The following SEC31A variants were observed in gnomAD, a reference collection of about 807,000 sequenced individuals.
The protein encoded by SEC31A is protein transport protein Sec31A.
A neutral mutation model predicts 151.0 loss-of-function variants in SEC31A; 70 were observed. The ratio of observed to expected loss-of-function variants is 0.46; its 90% CI spans 0.38 to 0.57. The LOEUF is 0.57. Among genes scored for constraint, SEC31A ranks in the 20% least tolerant of loss-of-function variants. The probability of loss-of-function intolerance (pLI) is 0.00; values close to 1 mark genes in which losing one functional copy is unlikely to be tolerated. For missense variants in SEC31A, 1,330 were observed against 1,471.2 expected (o/e 0.90, Z 1.57); for synonymous variants, 475 against 505.9 (o/e 0.94, Z 0.82).
chr4:82,863,714 G>A (rs72921015), intron 11 of SEC31A, among the ~76,000 whole-genome samples: 3,238 of 152,104 alleles, frequency 0.021, 123 homozygotes, highest in African/African-American at 0.074. Flanking sequence ...ACAAACTTAT[G>A]TCCAAAGGTT....
At position 82,842,193 on chromosome 4, in the gene SEC31A, C is replaced by T. The variant is rs746440200; in HGVS notation, c.2915G>A (p.Gly972Glu). The change falls in exon 22 of 27, where the codon GGA becomes GAA. Residue 972 changes from glycine to glutamate, a missense_variant. Transcript: ENST00000395310. ...GGCAGCAGGCAGTGTACCTGTTGTT[C>T]CAGGAGGCAGTGCATAAGCTGAAGA... ...PSSSAYALPP[G>E]TTGTLPAASE... 1.3e-5 allele frequency: 20 copies of T among 1,598,894 alleles called. No homozygotes were observed. Among genetic ancestry groups the T allele is most frequent in the Non-Finnish European group, 1.6e-5 (19 of 1,170,880 alleles).
chr4:82,874,223 A>G (rs530351677), intron 6 of SEC31A, among the ~76,000 whole-genome samples: 6 of 151,880 alleles, frequency 4.0e-5, no homozygotes, highest in African/African-American at 1.4e-4. Flanking sequence ...GCTTGAACCC[A>G]GGAGGCAGAG....
chr4:82,871,305 C>A, intron 7 of SEC31A: 1 of 1,356,760 alleles, frequency 7.4e-7, no homozygotes, highest in Non-Finnish European at 9.4e-7. Context: ...TGGGATTATA[C>A]ATGCATACAC....
intron 19 of SEC31A, 38 bp downstream of exon 19, chr4:82,851,393 C>G: frequency 6.4e-7 from 1 of 1,557,654 alleles, no homozygotes; most frequent in African/African-American, 1.4e-5. Flanking sequence ...CTGGACTCAC[C>G]TTACTCAAAC....
At chr4:82,859,879 C>CCTCCTGGGTTCATGCCATT (rs1733686171) in intron 14 of SEC31A, among the ~76,000 whole-genome samples, 1 of 151,672 alleles carries the variant, frequency 6.6e-6, no homozygotes, top group Non-Finnish European at 1.5e-5. Context: ...GCAAGCTCCA[C>CCTCCTGGGTTCATGCCATT]CTCCTGGGTT....
At chr4:82,892,667 T>C (rs188959176), upstream of SEC31A, among the ~76,000 whole-genome samples, 1 of 152,346 alleles carries the variant, frequency 6.6e-6, no homozygotes, top group Admixed American at 6.5e-5. Context: ...AGATGATCAG[T>C]AACAAATCAA....
At chr4:82,867,107 A>G (rs770823306) in intron 9 of SEC31A, 48 bp downstream of exon 9, 1 of 1,569,980 alleles carries the variant, frequency 6.4e-7, no homozygotes, top group East Asian at 2.2e-5. Context: ...TACACAACAC[A>G]TACTTTTTTC....
At chr4:82,885,846 A>C (rs982947791) in intron 1 of SEC31A, among the ~76,000 whole-genome samples, 1 of 152,168 alleles carries the variant, frequency 6.6e-6, no homozygotes, top group African/African-American at 2.4e-5. Context: ...TGCATACTCA[A>C]TGCTCTCCAA....
Position 82,861,673 on chromosome 4 carries a change from A to G in SEC31A, c.1584T>C (p.Asp528=), listed in dbSNP as rs1251416752. The G allele has an allele frequency of 1.2e-6, 2 of 1,612,006 alleles. No homozygotes were observed. Residue 528 remains aspartate, a synonymous_variant, in exon 14 of 27, where the codon GAT becomes GAC. Transcript: ENST00000395310. ...LKDSDQVAQS[D]GEESPAAEEQ... is the part of the protein sequence containing the mutation. ...CTTCAGCAGCAGGGCTCTCCTCCCCATCACTCTGTGCTACTTGGTCAGAGT... is the reference window on the plus strand; with the variant it reads ...CTTCAGCAGCAGGGCTCTCCTCCCCGTCACTCTGTGCTACTTGGTCAGAGT...
intron 2 of SEC31A, among the ~76,000 whole-genome samples, chr4:82,881,392 G>C (rs971619196): frequency 5.3e-5 from 8 of 152,032 alleles, no homozygotes; most frequent in Non-Finnish European, 1.2e-4. Flanking sequence ...AGGAACCAGG[G>C]AGGTGGAGCT....
chr4:82,849,023 G>A, intron 19 of SEC31A, 46 bp from the exon 20 acceptor site: 2 of 1,493,012 alleles, frequency 1.3e-6, no homozygotes, highest in Non-Finnish European at 1.8e-6. Context: ...GTTCACCCAG[G>A]TATATGACAG....
At chr4:82,831,488 TG>T (rs933354173) in intron 22 of SEC31A, 1 of 152,396 alleles carries the variant, frequency 6.6e-6, no homozygotes, top group Non-Finnish European at 1.5e-5. Flanking sequence ...ATACTGTCTT[TG>T]CAGCCATCTC....
At chr4:82,889,149 G>A (rs1416213645) in intron 1 of SEC31A, among the ~76,000 whole-genome samples, 1 of 152,168 alleles carries the variant, frequency 6.6e-6, no homozygotes, top group Non-Finnish European at 1.5e-5. Context: ...ACTGTGCACT[G>A]GTTACTGAAC....
chr4:82,853,818 T>C (rs1731959427), intron 17 of SEC31A, 103 bp from the exon 18 acceptor site: 5 of 874,654 alleles, frequency 5.7e-6, no homozygotes, highest in Non-Finnish European at 5.2e-6. Flanking sequence ...TTAAGCTTCA[T>C]AACCAATGAA....
intron 22 of SEC31A, among the ~76,000 whole-genome samples, chr4:82,839,538 G>A (rs911254203): frequency 8.5e-5 from 13 of 152,156 alleles, no homozygotes; most frequent in Non-Finnish European, 1.5e-4. Context: ...CACCTGCCTC[G>A]GCCTCCCAAA....
At chr4:82,847,309 A>G (rs1473256351) in intron 20 of SEC31A, among the ~76,000 whole-genome samples, 1 of 152,152 alleles carries the variant, frequency 6.6e-6, no homozygotes, top group Non-Finnish European at 1.5e-5. Context: ...ACTGCATTAA[A>G]ACCACAAGCC....
At chr4:82,822,771 C>T (rs1002123223) in intron 25 of SEC31A, among the ~76,000 whole-genome samples, 3 of 152,030 alleles carry the variant, frequency 2.0e-5, no homozygotes, top group Admixed American at 2.0e-4. Flanking sequence ...GTTGGGAGTT[C>T]GAGACCAGCC....
At chr4:82,841,822 A>G (rs1296049776) in intron 22 of SEC31A, among the ~76,000 whole-genome samples, 1 of 150,952 alleles carries the variant, frequency 6.6e-6, no homozygotes, top group Admixed American at 6.6e-5. Flanking sequence ...AAATACAAAA[A>G]TTAGCCAGGT....
At chr4:82,841,592 G>C (rs1322935295) in intron 22 of SEC31A, among the ~76,000 whole-genome samples, 1 of 149,450 alleles carries the variant, frequency 6.7e-6, no homozygotes, top group Non-Finnish European at 1.5e-5. Flanking sequence ...AGTGAGCCGA[G>C]ATCACGCCAC....
Sources: allele counts gnomAD v4.1 joint callset (sites outside exome capture counted in the v4.1 genomes callset), GRCh38; gene constraint gnomAD v4.1.1; transcripts MANE v1.5; gene names NCBI Gene and HGNC (gene_info 2026-07-23, HGNC 2026-07-21).